The following DGKK variants were observed in gnomAD, a reference collection of about 807,000 sequenced individuals.
The protein encoded by DGKK is diacylglycerol kinase kappa, also known as 142 kDa diacylglycerol kinase.
In DGKK, 35 loss-of-function variants were observed where a neutral mutation model predicts 92.2. The ratio of observed to expected loss-of-function variants is 0.38; its 90% CI spans 0.29 to 0.50. The LOEUF (loss-of-function observed/expected upper bound fraction) is 0.50. Among genes scored for constraint, DGKK ranks in the 20% least tolerant of loss-of-function variants. The probability of loss-of-function intolerance (pLI) is 0.92; values close to 1 mark genes in which losing one functional copy is unlikely to be tolerated. For synonymous variants in DGKK, 368 were observed against 360.6 expected (o/e 1.02, Z -0.23); for missense variants, 910 against 992.2 (o/e 0.92, Z 1.11).
intron 8 of DGKK, 92 bp downstream of exon 8, chrX:50,400,945 A>G: frequency 4.8e-6 from 4 of 833,900 alleles, no homozygotes; most frequent in Non-Finnish European, 7.0e-6. Flanking sequence ...TGACTGGTTG[A>G]GGAGAATAAT....
intron 4 of DGKK, among the ~76,000 whole-genome samples, chrX:50,405,244 A>G (rs192845077): frequency 1.9e-4 from 21 of 111,641 alleles, no homozygotes; most frequent in Admixed American, 1.0e-3. Flanking sequence ...TGTATTTCAC[A>G]GCCTGACTTT....
chrX:50,381,068 A>G (rs956833539), intron 18 of DGKK, among the ~76,000 whole-genome samples: 2 of 112,175 alleles, frequency 1.8e-5, no homozygotes, highest in East Asian at 5.6e-4. Flanking sequence ...ACATAAATAA[A>G]TAGAACAGAA....
intron 14 of DGKK, among the ~76,000 whole-genome samples, chrX:50,386,948 G>A (rs1557225018): frequency 9.0e-6 from 1 of 111,008 alleles, no homozygotes; most frequent in Admixed American, 9.6e-5. Context: ...ACGCTCCTCT[G>A]GATATGAACG....
intron 1 of DGKK, among the ~76,000 whole-genome samples, chrX:50,441,170 C>T (rs1557231272): frequency 9.0e-6 from 1 of 111,437 alleles, no homozygotes; most frequent in Non-Finnish European, 1.9e-5. Flanking sequence ...GAAACATGAA[C>T]TGAAAACCTC....
intron 1 of DGKK, among the ~76,000 whole-genome samples, chrX:50,463,464 T>TACC (rs1209541589): frequency 1.9e-5 from 2 of 103,474 alleles, no homozygotes; most frequent in African/African-American, 7.1e-5. Flanking sequence ...TACCTGCTCC[T>TACC]ACCTTCCTCT....
rs1168183927 is a variant in DGKK at position 50,392,580 on chromosome X, A to C, written c.1596-131T>G. 3.4e-5 allele frequency: 17 copies of C among 498,433 alleles called. No homozygotes were observed. In the Admixed American group the frequency reaches 5.4e-4, roughly 16 times the overall value. 41.1% of individuals were successfully genotyped at this position (498,433 alleles called of 1,213,427 possible). On this transcript the variant is annotated intron_variant, in intron 9 of 27. Transcript: ENST00000611977. ...ACAGACCACCTGCCTTCTTTCCCTT[A>C]GCCCTTATCTGTCTGTGGGATCTAA... is the stretch of plus-strand genomic sequence containing the variant.
chrX:50,425,221 T>A (rs1557229592), intron 1 of DGKK, among the ~76,000 whole-genome samples: 1 of 111,816 alleles, frequency 8.9e-6, no homozygotes, highest in Admixed American at 9.5e-5. Context: ...ATCATCTAAA[T>A]TAGCATTCAC....
intron 1 of DGKK, among the ~76,000 whole-genome samples, chrX:50,433,624 A>G (rs1167953448): frequency 9.0e-6 from 1 of 111,656 alleles, no homozygotes; most frequent in Non-Finnish European, 1.9e-5. Context: ...AAAGTGGCTT[A>G]TGATAAACCT....
chrX:50,379,245 T>G lies in DGKK; in HGVS notation c.2862+382A>C, dbSNP rs782486378. Among the ~76,000 whole-genome samples, 30 of 97,459 alleles carry G rather than the reference T, an allele frequency of 3.1e-4. No homozygotes were observed. The South Asian group carries it at 5.7e-3, about 19-fold the overall frequency. The allele number at this position is 97,459 out of a possible 115,157, so 84.6% of individuals were successfully genotyped here. On this transcript the variant is annotated intron_variant, in intron 20 of 27. Transcript: ENST00000611977. ...CTGAGGCAGGAGAATCACTTGAACC[T>G]GGGAGGCGGAGGTTGCAGTGAGCTG...
At chrX:50,396,439 C>T (rs782719449) in intron 8 of DGKK, among the ~76,000 whole-genome samples, 2 of 111,671 alleles carry the variant, frequency 1.8e-5, no homozygotes, top group African/African-American at 3.2e-5. Flanking sequence ...AAAACTGAAC[C>T]ATGTGAATAT....
In DGKK at chrX:50,365,674, G is replaced by T. The variant is rs1444342213; in HGVS notation, c.*3266C>A. ...CAGATTCACTGACAAATAGACAAAT[G>T]CAATTCCACAAATCATATAGCCAAG... On this transcript the variant is annotated 3_prime_UTR_variant, in exon 28 of 28. Coordinates refer to ENST00000611977, the MANE Select transcript of DGKK (RefSeq NM_001013742.4). 1 of 111,298 alleles carries T rather than the reference G, an allele frequency of 9.0e-6. No homozygotes were observed. Among genetic ancestry groups the T allele is most frequent in the Non-Finnish European group, 1.9e-5 (1 of 53,095 alleles). 9.2% of individuals were successfully genotyped at this position (111,298 alleles called of 1,213,427 possible). A position where few individuals can be genotyped will look rare whatever the true frequency, so the allele number is the denominator to read the frequency against.
At chrX:50,426,971 C>T (rs1925758749) in intron 1 of DGKK, among the ~76,000 whole-genome samples, 1 of 111,621 alleles carries the variant, frequency 9.0e-6, no homozygotes, top group Non-Finnish European at 1.9e-5. Context: ...ATACTTCTAC[C>T]ACATGATCTA....
At chrX:50,469,190 T>C (rs1171270645) in intron 1 of DGKK, among the ~76,000 whole-genome samples, 1 of 111,212 alleles carries the variant, frequency 9.0e-6, no homozygotes, top group Non-Finnish European at 1.9e-5. Context: ...GAGATGAAGG[T>C]TCCCCTTCAC....
intron 1 of DGKK, among the ~76,000 whole-genome samples, chrX:50,429,136 A>G (rs782472174): frequency 2.3e-4 from 26 of 111,696 alleles, no homozygotes; most frequent in African/African-American, 8.5e-4. Flanking sequence ...TCTGGCAGAT[A>G]ATATCATCTC....
chrX:50,427,238 G>A (rs1401614219), intron 1 of DGKK, among the ~76,000 whole-genome samples: 4 of 111,075 alleles, frequency 3.6e-5, no homozygotes, highest in Admixed American at 9.6e-5. Flanking sequence ...CTAAGTAAAA[G>A]AAGTCAATCT....
At chrX:50,449,130 C>G (rs1926435240) in intron 1 of DGKK, among the ~76,000 whole-genome samples, 1 of 111,549 alleles carries the variant, frequency 9.0e-6, no homozygotes, top group Non-Finnish European at 1.9e-5. Context: ...TCTGGAATGA[C>G]AGTTGTATGC....
At chrX:50,398,833 G>A (rs1449907848) in intron 8 of DGKK, among the ~76,000 whole-genome samples, 1 of 111,544 alleles carries the variant, frequency 9.0e-6, no homozygotes, top group African/African-American at 3.3e-5. Flanking sequence ...CCCTGTGGGG[G>A]TGAGCAAAAT....
intron 6 of DGKK, 144 bp from the exon 7 acceptor site, chrX:50,403,327 A>G: frequency 3.3e-6 from 3 of 898,622 alleles, no homozygotes; most frequent in South Asian, 5.0e-5. Flanking sequence ...ATGCAAGTGA[A>G]CAATGACAAG....
intron 8 of DGKK, among the ~76,000 whole-genome samples, chrX:50,393,957 G>A (rs1466719702): frequency 8.9e-6 from 1 of 112,311 alleles, no homozygotes; most frequent in African/African-American, 3.2e-5. Context: ...GGGGAAACAA[G>A]ACTATAGGAA....
Sources: allele counts gnomAD v4.1 joint callset (sites outside exome capture counted in the v4.1 genomes callset), GRCh38; gene constraint gnomAD v4.1.1; transcripts MANE v1.5; gene names NCBI Gene and HGNC (gene_info 2026-07-23, HGNC 2026-07-21).